Variants in BPGM observed in about 807,000 individuals in gnomAD.
BPGM encodes 2,3-bisphosphoglycerate mutase, erythrocyte.
Under a neutral mutation model 21.6 loss-of-function variants are expected in BPGM, and 15 were observed. The ratio of observed to expected loss-of-function variants is 0.70; its 90% CI spans 0.47 to 1.07. BPGM has a LOEUF of 1.07. Among genes scored for constraint, BPGM ranks in the 50% least tolerant of loss-of-function variants. BPGM has a pLI of 0.00. For missense variants in BPGM, 273 were observed against 319.0 expected (o/e 0.86, Z 1.10); for synonymous variants, 113 against 116.2 (o/e 0.97, Z 0.18).
At chr7:134,648,513 A>C (rs1795506279) in intron 1 of BPGM, among the ~76,000 whole-genome samples, 1 of 152,112 alleles carries the variant, frequency 6.6e-6, no homozygotes, top group South Asian at 2.1e-4. Context: ...GTAGCACCTC[A>C]TACACCGCAG....
chr7:134,646,971 G>C, intron 1 of BPGM, 34 bp downstream of exon 1: 1 of 163,410 alleles, frequency 6.1e-6, no homozygotes, highest in Non-Finnish European at 1.4e-5. Context: ...TGTTGCGAAC[G>C]TTTACATTTT....
chr7:134,655,897 A>G (rs1795629815), intron 1 of BPGM, among the ~76,000 whole-genome samples: 1 of 152,252 alleles, frequency 6.6e-6, no homozygotes, highest in African/African-American at 2.4e-5. Flanking sequence ...CTTACAGGGC[A>G]CATAGCCATT....
At position 134,678,593 on chromosome 7, in the gene BPGM, C is replaced by T. The variant is rs747514246; in HGVS notation, c.602-260C>T. On this transcript the variant is annotated intron_variant, in intron 2 of 2. Coordinates refer to ENST00000344924, the MANE Select transcript of BPGM (RefSeq NM_001724.5). ...TAGAGAAAATAATTTTCCTTCCTTT[C>T]GGATTTAGATAGGAAACAGGAACAG... 2.5e-4 allele frequency among the ~76,000 whole-genome samples: 38 copies of T among 152,166 alleles called. 1 individual carries two copies. Among genetic ancestry groups the T allele is most frequent in the Non-Finnish European group, 5.1e-4 (35 of 68,026 alleles).
At chr7:134,674,286 ATTAAATGGCTT>A (rs1562972101) in intron 2 of BPGM, among the ~76,000 whole-genome samples, 1 of 152,214 alleles carries the variant, frequency 6.6e-6, no homozygotes, top group African/African-American at 2.4e-5. Context: ...AAAGTATACA[ATTAAATGGCTT>A]TTAGTGTATT....
Position 134,661,660 on chromosome 7 carries a change from G to T in BPGM, c.153G>T (p.Glu51Asp). The change falls in exon 2 of 3, where the codon GAG becomes GAT. Residue 51 changes from glutamate (E) to aspartate (D), a missense_variant. Coordinates refer to ENST00000344924, the MANE Select transcript of BPGM (RefSeq NM_001724.5). This position sits in a 1 kb window ranked among gnomAD's most constrained non-coding sequence, Gnocchi z 4.6. ...CGKQLKALNF[E>D]FDLVFTSVLN... The stretch of plus-strand genomic sequence containing the variant: ...AGCAACTCAAAGCGTTAAACTTTGA[G>T]TTTGATCTTGTATTCACATCTGTCC... 1 of 1,614,134 alleles carries T rather than the reference G, an allele frequency of 6.2e-7. No individual in the cohort carries two copies.
At chr7:134,672,651 A>G (rs1444678953) in intron 2 of BPGM, among the ~76,000 whole-genome samples, 1 of 152,072 alleles carries the variant, frequency 6.6e-6, no homozygotes, top group African/African-American at 2.4e-5. Context: ...TTATACATGG[A>G]TTTTTTCCCA....
At chr7:134,650,651 G>C (rs933913332) in intron 1 of BPGM, among the ~76,000 whole-genome samples, 1 of 152,308 alleles carries the variant, frequency 6.6e-6, no homozygotes, top group Middle Eastern at 3.4e-3. Flanking sequence ...GGCCGAGCAC[G>C]GTGGCTCACG....
At chr7:134,652,655 C>T (rs1795574580) in intron 1 of BPGM, among the ~76,000 whole-genome samples, 1 of 152,186 alleles carries the variant, frequency 6.6e-6, no homozygotes, top group Admixed American at 6.5e-5. Context: ...CCTCTGGCAA[C>T]CATAATTCTG....
At chr7:134,654,948 A>C (rs912540753) in intron 1 of BPGM, among the ~76,000 whole-genome samples, 1 of 152,242 alleles carries the variant, frequency 6.6e-6, no homozygotes, top group Non-Finnish European at 1.5e-5. Context: ...AGCTGTGTAA[A>C]AGATGTTTCC....
chr7:134,673,181 A>AAAT (rs1334522407), intron 2 of BPGM, among the ~76,000 whole-genome samples: 1 of 152,140 alleles, frequency 6.6e-6, no homozygotes, highest in Non-Finnish European at 1.5e-5. Flanking sequence ...CTCAAAAAGA[A>AAAT]AATAATAATA....
chr7:134,664,303 G>C lies in BPGM; in HGVS notation c.601+2195G>C, dbSNP rs139476501. 8.6e-3 allele frequency among the ~76,000 whole-genome samples: 1,312 copies of C among 152,260 alleles called. 11 individuals are homozygous for C. Among genetic ancestry groups the C allele is most frequent in the African/African-American group, 0.03 (1,230 of 41,540 alleles). ...GTGTGAGCAGGGCTGTGCTCTCTCTGATGACTCTAGGAGACAATTCTTCCT... is the reference window on the plus strand; with the variant it reads ...GTGTGAGCAGGGCTGTGCTCTCTCTCATGACTCTAGGAGACAATTCTTCCT... On this transcript the variant is annotated intron_variant, in intron 2 of 2. Transcript: ENST00000344924.
At chr7:134,653,358 G>A (rs1347574411) in intron 1 of BPGM, among the ~76,000 whole-genome samples, 1 of 152,118 alleles carries the variant, frequency 6.6e-6, no homozygotes, top group Non-Finnish European at 1.5e-5. Context: ...CACTTAAACG[G>A]CCATTGTCCT....
intron 2 of BPGM, among the ~76,000 whole-genome samples, chr7:134,674,334 A>G (rs1284154849): frequency 6.6e-6 from 1 of 152,170 alleles, no homozygotes; most frequent in African/African-American, 2.4e-5. Flanking sequence ...CATTACCACA[A>G]TCAATGTTGG....
chr7:134,664,741 G>A (rs1402538370), intron 2 of BPGM, among the ~76,000 whole-genome samples: 1 of 152,138 alleles, frequency 6.6e-6, no homozygotes, highest in Non-Finnish European at 1.5e-5. Flanking sequence ...TCTATACAAT[G>A]GAATATTATT....
intron 1 of BPGM, among the ~76,000 whole-genome samples, chr7:134,655,540 T>A (rs1795622856): frequency 1.3e-5 from 2 of 152,146 alleles, no homozygotes; most frequent in African/African-American, 4.8e-5. Context: ...TCAATCAGAA[T>A]CTCCATTTTT....
At chr7:134,675,054 A>C (rs769172662) in intron 2 of BPGM, among the ~76,000 whole-genome samples, 1 of 152,110 alleles carries the variant, frequency 6.6e-6, no homozygotes, top group Non-Finnish European at 1.5e-5. Flanking sequence ...GACCTTTTGT[A>C]TATCTTTGGA....
At chr7:134,676,435 T>C (rs1279584487) in intron 2 of BPGM, among the ~76,000 whole-genome samples, 1 of 152,194 alleles carries the variant, frequency 6.6e-6, no homozygotes, top group Non-Finnish European at 1.5e-5. Context: ...TTTAGATTAT[T>C]TGGAGAAATC....
intron 1 of BPGM, among the ~76,000 whole-genome samples, chr7:134,656,828 G>C (rs1795646169): frequency 6.6e-6 from 1 of 152,124 alleles, no homozygotes; most frequent in Non-Finnish European, 1.5e-5. Flanking sequence ...CTTTCCAACA[G>C]TCGCCCAAAG....
intron 1 of BPGM, among the ~76,000 whole-genome samples, chr7:134,651,345 G>T (rs1346234379): frequency 1.3e-5 from 2 of 152,142 alleles, no homozygotes; most frequent in African/African-American, 4.8e-5. Flanking sequence ...TGTACCACTA[G>T]GGTCTTAGGC....
Sources: gnomAD v4.1 joint callset for allele counts (sites outside exome capture counted in the v4.1 genomes callset) on GRCh38, gnomAD v4.1.1 for gene constraint, Gnocchi (gnomAD v3.1) non-coding constraint, MANE v1.5 for transcripts, NCBI Gene and HGNC (gene_info 2026-07-23, HGNC 2026-07-21) for gene names.